LIPN: variants seen among roughly 807,000 people sequenced by gnomAD.
The protein encoded by LIPN is lipase family member N.
In LIPN, 32 loss-of-function variants were observed where a neutral mutation model predicts 43.7. The ratio of observed to expected loss-of-function variants is 0.73; its 90% CI spans 0.55 to 0.98. LIPN has a LOEUF of 0.98. Ranked by LOEUF, LIPN falls within the 50% of genes least tolerant of loss-of-function variation. The pLI is 0.00. For missense variants in LIPN, 505 were observed against 483.8 expected (o/e 1.04, Z -0.41); for synonymous variants, 156 against 157.6 (o/e 0.99, Z 0.08).
intron 5 of LIPN, among the ~76,000 whole-genome samples, chr10:88,767,644 C>CAAAAAAAAAAAAAAAAAAAAAAAA (rs61646268): frequency 3.3e-5 from 2 of 61,484 alleles, no homozygotes; most frequent in African/African-American, 6.4e-5. Context: ...ACTTGATCTG[C>CAAAAAAAAAAAAAAAAAAAAAAAA]AAAAAAAAAA....
chr10:88,771,301 A>T (rs1228553302), intron 7 of LIPN, among the ~76,000 whole-genome samples: 1 of 151,802 alleles, frequency 6.6e-6, no homozygotes, highest in African/African-American at 2.4e-5. Flanking sequence ...GTTATTTTGA[A>T]ATATACAATG....
chr10:88,761,764 TATCTATCTATCTATTTATC>T (rs1564578426), intron 2 of LIPN, among the ~76,000 whole-genome samples: 80 of 63,356 alleles, frequency 1.3e-3, no homozygotes, highest in African/African-American at 6.3e-3. Flanking sequence ...TCTATCTATG[TATCTATCTATCTATTTATC>T]TATCTATCTA....
Position 88,778,109 on chromosome 10 carries a change from T to C in LIPN, c.1064T>C (p.Ile355Thr), listed in dbSNP as rs1843326219. ...GTAACACCCCAGGATGTGGCCAGGATACTCCCTCAAATCAAGAGTCTTCAT... is the reference window on the plus strand; with the variant it reads ...GTAACACCCCAGGATGTGGCCAGGACACTCCCTCAAATCAAGAGTCTTCAT... ...VLVTPQDVAR[I>T]LPQIKSLHYF... is the part of the protein sequence containing the mutation. Residue 355 changes from isoleucine (I) to threonine (T), a missense_variant, in exon 10 of 10, where the codon ATA (isoleucine) becomes ACA (threonine). Transcript: ENST00000404459. The C allele has an allele frequency of 3.1e-6, 5 of 1,613,696 alleles. No homozygotes were observed. Among genetic ancestry groups the C allele is most frequent in the East Asian group, 2.2e-5 (1 of 44,834 alleles).
chr10:88,770,210 A>C lies in LIPN; in HGVS notation c.673-635A>C, dbSNP rs568266052. Reference sequence around the variant, plus strand: ...TACTTTCCCAACTCCTGGAAGTTTCAATTGTGCTGCCTTTGTGACATTATC... The same window carrying C: ...TACTTTCCCAACTCCTGGAAGTTTCCATTGTGCTGCCTTTGTGACATTATC... On this transcript the variant is annotated intron_variant, in intron 6 of 9. Transcript: ENST00000404459. 3.2e-3 allele frequency among the ~76,000 whole-genome samples: 492 copies of C among 151,904 alleles called. 2 individuals carry two copies. Among genetic ancestry groups the C allele is most frequent in the Non-Finnish European group, 6.0e-3 (408 of 67,850 alleles).
Position 88,766,274 on chromosome 10 carries a change from A to G in LIPN, c.431A>G (p.Asp144Gly). 6.4e-7 allele frequency: 1 copy of G among 1,573,040 alleles called. No homozygotes were observed. Among genetic ancestry groups the G allele is most frequent in the Non-Finnish European group, 8.7e-7 (1 of 1,147,230 alleles). The change falls in exon 5 of 10, where the codon GAT becomes GGT. Residue 144 changes from aspartate to glycine, a missense_variant. By Grantham distance (94) the Asp-to-Gly change is moderately conservative (BLOSUM62 -1). Coordinates refer to ENST00000404459, the MANE Select transcript of LIPN (RefSeq NM_001102469.2). ...TDEKFWAFSFDEMAKYDLPGV... is the reference protein window; with the variant it reads ...TDEKFWAFSFGEMAKYDLPGV... Reference sequence around the variant, plus strand: ...GCCCCTGTTTTATTTTGCAGTTTTGATGAAATGGCCAAATATGATCTCCCA... The same window carrying G: ...GCCCCTGTTTTATTTTGCAGTTTTGGTGAAATGGCCAAATATGATCTCCCA...
rs749704797 is a variant in LIPN at position 88,761,458 on chromosome 10, C to A, written c.53C>A (p.Ala18Asp). The change falls in exon 2 of 10, where the codon GCT becomes GAT. Residue 18 changes from alanine to aspartate, a missense_variant. By Grantham distance (126) the Ala-to-Asp change is moderately radical (BLOSUM62 -2). Coordinates refer to ENST00000404459, the MANE Select transcript of LIPN (RefSeq NM_001102469.2). ...TTCLICGTLN[A>D]GGFLDLENEV... ...TGTTTGATCTGTGGAACTTTAAATG[C>A]TGGTGGATTCCTTGATTTGGAAAAT... is the stretch of plus-strand genomic sequence containing the variant. 6.2e-7 allele frequency: 1 copy of A among 1,612,350 alleles called. No homozygotes were observed. The highest frequency in any genetic ancestry group is 8.5e-7 in the Non-Finnish European group (1 of 1,178,974).
Position 88,767,543 on chromosome 10 carries a change from G to A in LIPN, c.535+1165G>A, listed in dbSNP as rs541574922. On this transcript the variant is annotated intron_variant, in intron 5 of 9. Transcript: ENST00000404459. The stretch of plus-strand genomic sequence containing the variant: ...CAGATGTATCTGATTTCACCAATAG[G>A]GTGTGTAAGGATTCCGGAGAAATGG... 3.3e-5 allele frequency among the ~76,000 whole-genome samples: 5 copies of A among 151,006 alleles called. No individual in the cohort carries two copies. The East Asian group carries it at 9.8e-4, about 30-fold the overall frequency.
At chr10:88,771,283 C>T (rs1366715971) in intron 7 of LIPN, among the ~76,000 whole-genome samples, 1 of 151,814 alleles carries the variant, frequency 6.6e-6, no homozygotes, top group Non-Finnish European at 1.5e-5. Flanking sequence ...TCTAATTTGA[C>T]TCTTCTAGTT....
chr10:88,770,002 C>T (rs1304963809), intron 6 of LIPN, among the ~76,000 whole-genome samples: 3 of 151,758 alleles, frequency 2.0e-5, no homozygotes, highest in Non-Finnish European at 2.9e-5. Flanking sequence ...TACATATATG[C>T]GTTGTTTGTG....
Position 88,768,907 on chromosome 10 carries a change from A to C in LIPN, c.651A>C (p.Leu217=), listed in dbSNP as rs770961008. Residue 217 remains leucine (L), a synonymous_variant, in exon 6 of 10, where the codon CTA becomes CTC. Transcript: ENST00000404459. ...CGGGCATTTTTACCAGGTTTTTTCT[A>C]CTTCCAAATTCCATAATCAAGGTAG... The part of the protein sequence containing the change: ...YPTGIFTRFF[L]LPNSIIKAVF... 2 of 1,611,406 alleles carry C rather than the reference A, an allele frequency of 1.2e-6. No individual in the cohort carries two copies.
At chr10:88,777,920 T>C (rs1474986587) in intron 9 of LIPN, 89 bp from the exon 10 acceptor site, 15 of 731,142 alleles carry the variant, frequency 2.1e-5, no homozygotes, top group Admixed American at 5.0e-5. Flanking sequence ...AACAGAACTA[T>C]GGCCATTGTC....
rs1457854362 is a variant in LIPN at position 88,779,608 on chromosome 10, A to C, written c.*1366A>C. 1.3e-5 allele frequency among the ~76,000 whole-genome samples: 2 copies of C among 152,162 alleles called. No individual in the cohort carries two copies. Among genetic ancestry groups the C allele is most frequent in the African/African-American group, 4.8e-5 (2 of 41,444 alleles). On this transcript the variant is annotated 3_prime_UTR_variant, in exon 10 of 10. Coordinates refer to ENST00000404459, the MANE Select transcript of LIPN (RefSeq NM_001102469.2). ...CTGAAGCAATATAAAAAATAAAATT[A>C]GTTGTGTCAGGGTAGTAACATGATG...
chr10:88,772,631 G>C (rs1039031076), intron 7 of LIPN, among the ~76,000 whole-genome samples: 1 of 151,780 alleles, frequency 6.6e-6, no homozygotes, highest in Non-Finnish European at 1.5e-5. Context: ...TTTTATGCCA[G>C]TATCATGCAG....
chr10:88,770,236 A>G (rs1320913874), intron 6 of LIPN, among the ~76,000 whole-genome samples: 1 of 151,746 alleles, frequency 6.6e-6, no homozygotes, highest in Non-Finnish European at 1.5e-5. Context: ...TGACATTATC[A>G]TATCTTTTCT....
intron 4 of LIPN, among the ~76,000 whole-genome samples, chr10:88,764,828 T>C (rs985679173): frequency 5.3e-5 from 8 of 151,946 alleles, no homozygotes; most frequent in African/African-American, 1.7e-4. Context: ...TACATCCAAT[T>C]CTGTGAATTC....
At chr10:88,773,175 A>G (rs977831500) in intron 7 of LIPN, among the ~76,000 whole-genome samples, 5 of 151,868 alleles carry the variant, frequency 3.3e-5, no homozygotes, top group African/African-American at 1.2e-4. Context: ...GGAACCATGA[A>G]GGTAGATGTC....
chr10:88,775,475 C>A (rs1184032910), intron 9 of LIPN, among the ~76,000 whole-genome samples: 3 of 151,818 alleles, frequency 2.0e-5, no homozygotes, highest in African/African-American at 2.4e-5. Context: ...TTCTATTTTA[C>A]TTAAGCTATA....
In LIPN at chr10:88,760,505, T is replaced by C. The variant is rs558570538; in HGVS notation, c.-9+399T>C. The stretch of plus-strand genomic sequence containing the variant: ...TTAGCTTCAGAAGTAAACTCTGCAT[T>C]TCTAGAAGTTAAATATTACTTTGTT... On this transcript the variant is annotated intron_variant, in intron 1 of 9. Coordinates refer to ENST00000404459, the MANE Select transcript of LIPN (RefSeq NM_001102469.2). Among the ~76,000 whole-genome samples, 6 of 152,242 alleles carry C rather than the reference T, an allele frequency of 3.9e-5. No homozygotes were observed. The South Asian group carries it at 1.0e-3, about 26-fold the overall frequency.
In LIPN at chr10:88,775,126, G is replaced by C; in HGVS notation, c.926G>C (p.Trp309Ser). The C allele has an allele frequency of 1.3e-6, 2 of 1,546,348 alleles. No homozygotes were observed. The highest frequency in any genetic ancestry group is 1.7e-6 in the Non-Finnish European group (2 of 1,143,506). The stretch of plus-strand genomic sequence containing the variant: ...TCTGATGAATTCAGAGCTTATGACT[G>C]GGGAAATGACGCTGATAATATGAAA... ...YHSDEFRAYD[W>S]GNDADNMKHY... Residue 309 changes from tryptophan (W) to serine (S), a missense_variant, in exon 9 of 10, where the codon TGG becomes TCG. Coordinates refer to ENST00000404459, the MANE Select transcript of LIPN (RefSeq NM_001102469.2).
Sources: allele counts gnomAD v4.1 joint callset (sites outside exome capture counted in the v4.1 genomes callset), GRCh38; gene constraint gnomAD v4.1.1; transcripts MANE v1.5; gene names NCBI Gene and HGNC (gene_info 2026-07-23, HGNC 2026-07-21).